The following VMA12 variants were observed in gnomAD, a reference collection of about 807,000 sequenced individuals.
The protein encoded by VMA12 is vacuolar ATPase assembly factor VMA12, also known as vacuolar ATPase assembly protein VMA12.
chr17:28,358,852 C>T, the VMA12 span: 27 of 1,370,012 alleles, frequency 2.0e-5, no homozygotes, highest in Middle Eastern at 1.8e-4. Context: ...CTACACCCCT[C>T]TTGATCTTAA....
chr17:28,361,235 G>A, the VMA12 span: 34 of 1,614,008 alleles, frequency 2.1e-5, no homozygotes, highest in Middle Eastern at 4.9e-4. Context: ...AATGGAAGGC[G>A]AGCTGGGAGA....
the VMA12 span, chr17:28,363,518 G>A: frequency 6.6e-6 from 1 of 152,134 alleles, no homozygotes; most frequent in Non-Finnish European, 1.5e-5. Flanking sequence ...AAGGTACAGA[G>A]TTTGGGTTTT....
chr17:28,361,296 A>T, the VMA12 span: 1 of 1,591,646 alleles, frequency 6.3e-7, no homozygotes, highest in Admixed American at 1.7e-5. Flanking sequence ...TGGGGGCTTC[A>T]GGCTCCAATT....
chr17:28,358,601 C>G, the VMA12 span: 1 of 481,738 alleles, frequency 2.1e-6, no homozygotes, highest in African/African-American at 2.0e-5. Context: ...TCACTATGAC[C>G]TAAACTTATT....
the VMA12 span, chr17:28,357,832 G>T: frequency 1.2e-6 from 2 of 1,614,104 alleles, no homozygotes; most frequent in Non-Finnish European, 8.5e-7. Context: ...CCCAACGCTT[G>T]GTTTCTTTCC....
chr17:28,360,989 G>C, the VMA12 span: 1 of 898,154 alleles, frequency 1.1e-6, no homozygotes, highest in Non-Finnish European at 1.7e-6. Context: ...GAGCTTTCCA[G>C]CAGTCACGGG....
the VMA12 span, chr17:28,359,635 G>GA: frequency 4.0e-6 from 1 of 248,488 alleles, no homozygotes. Context: ...GCCGGGCACG[G>GA]CGCTCATGCC....
the VMA12 span, chr17:28,357,958 C>T: frequency 1.1e-5 from 16 of 1,489,456 alleles, no homozygotes; most frequent in African/African-American, 1.8e-4. Context: ...TCCCATCATT[C>T]CCCTTCTTCT....
At chr17:28,357,718 C>T in the VMA12 span, 9 of 1,613,188 alleles carry the variant, frequency 5.6e-6, no homozygotes, top group South Asian at 7.7e-5. Flanking sequence ...GTGCTTTGGG[C>T]CCCGGCGGGG....
the VMA12 span, chr17:28,358,198 A>T: frequency 1.7e-5 from 7 of 419,466 alleles, no homozygotes; most frequent in East Asian, 3.7e-4. Flanking sequence ...CTTTTTCTCC[A>T]CTTTAGGAAT....
chr17:28,357,891 A>C, the VMA12 span: 9 of 1,613,436 alleles, frequency 5.6e-6, no homozygotes, highest in African/African-American at 1.2e-4. Flanking sequence ...GGTGAGCCCC[A>C]GTCTCCAGTC....
chr17:28,358,299 G>T, the VMA12 span: 1,222 of 423,940 alleles, frequency 2.9e-3, 17 homozygotes, highest in African/African-American at 0.024. Flanking sequence ...TTGTTTGTTT[G>T]TTTTTTTAAT....
the VMA12 span, chr17:28,359,179 CA>C: frequency 2.1e-6 from 2 of 970,964 alleles, no homozygotes; most frequent in Non-Finnish European, 3.0e-6. Flanking sequence ...AAAACAGTTT[CA>C]AAGCACTGGA....
the VMA12 span, chr17:28,358,801 A>T: frequency 1.3e-6 from 1 of 764,568 alleles, no homozygotes; most frequent in Non-Finnish European, 2.2e-6. Flanking sequence ...GAAATGGATT[A>T]ATGTAGAGAT....
At chr17:28,358,999 G>C in the VMA12 span, 1 of 1,604,648 alleles carries the variant, frequency 6.2e-7, no homozygotes, top group South Asian at 1.1e-5. Context: ...GGTATGTAAG[G>C]GATATGTTTG....
chr17:28,360,815 G>A, the VMA12 span: 1 of 1,613,924 alleles, frequency 6.2e-7, no homozygotes, highest in African/African-American at 1.3e-5. Flanking sequence ...CACTTACCTT[G>A]GAAGCCAATA....
chr17:28,360,897 G>A, the VMA12 span: 1 of 1,489,124 alleles, frequency 6.7e-7, no homozygotes, highest in South Asian at 1.1e-5. Flanking sequence ...GGTGTTAGTG[G>A]GTAAGGGAGG....
the VMA12 span, chr17:28,360,486 G>A: frequency 6.3e-7 from 1 of 1,596,898 alleles, no homozygotes; most frequent in South Asian, 1.1e-5. Flanking sequence ...GATGCTCTCT[G>A]AGCTGCTTCT....
chr17:28,357,773 G>T, the VMA12 span: 1 of 1,613,650 alleles, frequency 6.2e-7, no homozygotes, highest in Non-Finnish European at 8.5e-7. Context: ...GGCCGAGCTT[G>T]AGGCCGCGCT....
Sources: allele counts gnomAD v4.1 joint callset, GRCh38; gene constraint gnomAD v4.1.1; transcripts MANE v1.5; gene names NCBI Gene and HGNC (gene_info 2026-07-23, HGNC 2026-07-21).